GUCY2C: variants seen among roughly 807,000 people sequenced by gnomAD.
The protein encoded by GUCY2C is guanylyl cyclase C.
A neutral mutation model predicts 131.1 loss-of-function variants in GUCY2C; 118 were observed. The ratio of observed to expected loss-of-function variants is 0.90; its 90% CI spans 0.78 to 1.05. The LOEUF (loss-of-function observed/expected upper bound fraction) is 1.05, where lower values mean the gene tolerates loss of function less well. GUCY2C is among the 50% of genes least tolerant of loss of function. The pLI is 0.00. For synonymous variants in GUCY2C, 452 were observed against 457.8 expected (o/e 0.99, Z 0.16); for missense variants, 1,161 against 1,304.4 (o/e 0.89, Z 1.69).
chr12:14,674,815 G>C (rs1475181764), intron 7 of GUCY2C, 55 bp from the exon 8 acceptor site: 2 of 1,391,166 alleles, frequency 1.4e-6, no homozygotes, highest in African/African-American at 1.4e-5. Context: ...ATCTTGTCTT[G>C]AGCCTAGAAC....
intron 25 of GUCY2C, among the ~76,000 whole-genome samples, chr12:14,616,132 G>T (rs996624149): frequency 1.2e-4 from 18 of 152,098 alleles, no homozygotes; most frequent in African/African-American, 4.1e-4. Flanking sequence ...CTGGTAGAGT[G>T]TCCACACATC....
At chr12:14,632,393 T>G (rs1397894959) in intron 19 of GUCY2C, among the ~76,000 whole-genome samples, 1 of 152,196 alleles carries the variant, frequency 6.6e-6, no homozygotes, top group African/African-American at 2.4e-5. Context: ...AATACTTTAC[T>G]CACTATCTTC....
chr12:14,616,858 TG>T, intron 24 of GUCY2C, 131 bp from the exon 25 acceptor site: 2 of 666,400 alleles, frequency 3.0e-6, no homozygotes, highest in East Asian at 5.3e-5. Context: ...GCTATTTTAA[TG>T]AAAGAACACT....
chr12:14,633,129 G>C (rs977507950), intron 19 of GUCY2C, among the ~76,000 whole-genome samples: 1 of 152,124 alleles, frequency 6.6e-6, no homozygotes, highest in African/African-American at 2.4e-5. Flanking sequence ...GATCTGCCTA[G>C]ACCCACTAAC....
rs574933675 is a variant in GUCY2C at position 14,664,611 on chromosome 12, T to C, written c.1283-3549A>G. 6.6e-4 allele frequency among the ~76,000 whole-genome samples: 100 copies of C among 152,334 alleles called. 1 individual carries two copies. The highest frequency in any genetic ancestry group is 2.4e-3 in the African/African-American group (100 of 41,584). ...GTTCTAAATTCCAAGGTTAAGCTTC[T>C]GCTGCCTTCTGGTGGCTGCTGTAGT... is the stretch of plus-strand genomic sequence containing the variant. On this transcript the variant is annotated intron_variant, in intron 10 of 26. Coordinates refer to ENST00000261170, the MANE Select transcript of GUCY2C (RefSeq NM_004963.4).
At chr12:14,652,285 C>T (rs1309319583) in intron 13 of GUCY2C, among the ~76,000 whole-genome samples, 1 of 152,090 alleles carries the variant, frequency 6.6e-6, no homozygotes, top group Non-Finnish European at 1.5e-5. Flanking sequence ...AGCAATTCTC[C>T]TGCCTCAGCC....
At chr12:14,690,695 CCA>C (rs1449126864) in intron 1 of GUCY2C, among the ~76,000 whole-genome samples, 1 of 152,184 alleles carries the variant, frequency 6.6e-6, no homozygotes, top group Admixed American at 6.5e-5. Context: ...GTGCCCACCA[CCA>C]CACCCGGCTA....
At chr12:14,652,861 T>C in intron 13 of GUCY2C, 91 bp downstream of exon 13, 1 of 849,602 alleles carries the variant, frequency 1.2e-6, no homozygotes, top group East Asian at 2.4e-5. Context: ...CTCCCACCAT[T>C]GTGATACTGA....
rs1166299522 is a variant in GUCY2C, at chr12:14,669,950, A to G, written c.1171-117T>C. 9.3e-6 allele frequency: 5 copies of G among 536,366 alleles called. No homozygotes were observed. The South Asian group carries it at 1.1e-4, about 11-fold the overall frequency. 33.2% of individuals were successfully genotyped at this position (536,366 alleles called of 1,614,324 possible). A position where few individuals can be genotyped will look rare whatever the true frequency, so the allele number is the denominator to read the frequency against. On this transcript the variant is annotated intron_variant, in intron 9 of 26. Coordinates refer to ENST00000261170, the MANE Select transcript of GUCY2C (RefSeq NM_004963.4). ...GATTTCCATAACAATTCTCAGTGAA[A>G]AAAGGCAACTGTTAACCAGCTAGTT...
In GUCY2C at chr12:14,684,563, CCCTTCCTTCCTT is replaced by C. The variant is rs1216238965; in HGVS notation, c.396-1318_396-1307del. Among the ~76,000 whole-genome samples, 258 of 121,232 alleles carry C rather than the reference CCCTTCCTTCCTT, an allele frequency of 2.1e-3. 5 individuals carry two copies. Among genetic ancestry groups the C allele is most frequent in the African/African-American group, 7.7e-3 (249 of 32,206 alleles). The allele number at this position is 121,232 out of a possible 152,430, so 79.5% of individuals were successfully genotyped here. On this transcript the variant is annotated intron_variant, in intron 3 of 26. Coordinates refer to ENST00000261170, the MANE Select transcript of GUCY2C (RefSeq NM_004963.4). ...TTCTCCTCTCTCTCTTTCTTTCTTT[CCCTTCCTTCCTT>C]CCTTCCTTCCTTCCTTCCTTCCTTC...
intron 20 of GUCY2C, among the ~76,000 whole-genome samples, chr12:14,627,444 G>A (rs1306228827): frequency 1.3e-5 from 2 of 152,172 alleles, no homozygotes; most frequent in African/African-American, 2.4e-5. Context: ...GGATGTGGGA[G>A]CAGGTGTAAG....
intron 13 of GUCY2C, among the ~76,000 whole-genome samples, chr12:14,652,323 C>T (rs1032786512): frequency 3.9e-5 from 6 of 152,068 alleles, no homozygotes; most frequent in Admixed American, 3.3e-4. Context: ...TACAGGCATG[C>T]ACCACCATGC....
At chr12:14,615,284 C>G (rs1476169711) in intron 25 of GUCY2C, among the ~76,000 whole-genome samples, 1 of 152,112 alleles carries the variant, frequency 6.6e-6, no homozygotes, top group Non-Finnish European at 1.5e-5. Flanking sequence ...TACAATTCTG[C>G]TACGTCAACA....
At position 14,613,830 on chromosome 12, in the gene GUCY2C, CAG is replaced by C. The variant is rs1206731013; in HGVS notation, c.3048-541_3048-540del. ...GTCTGACATCTAGGCCTCTGCAAGA[CAG>C]AGTTTCTCAACCATAGCAAAAGCCA... is the stretch of plus-strand genomic sequence containing the variant. On this transcript the variant is annotated intron_variant, in intron 26 of 26. Coordinates refer to ENST00000261170, the MANE Select transcript of GUCY2C (RefSeq NM_004963.4). The surrounding 1 kb of genome is among the most constrained non-coding windows in gnomAD (Gnocchi z 4.9). Among the ~76,000 whole-genome samples, 3 of 152,142 alleles carry C rather than the reference CAG, an allele frequency of 2.0e-5. No homozygotes were observed. The highest frequency in any genetic ancestry group is 2.0e-4 in the Admixed American group (3 of 15,256).
chr12:14,650,132 A>G (rs1947613572), intron 15 of GUCY2C, among the ~76,000 whole-genome samples: 1 of 152,334 alleles, frequency 6.6e-6, no homozygotes, highest in African/African-American at 2.4e-5. Flanking sequence ...GCATTTTAAA[A>G]TTCTATCCTA....
chr12:14,640,555 A>G (rs1463921602), intron 18 of GUCY2C, among the ~76,000 whole-genome samples: 2 of 152,058 alleles, frequency 1.3e-5, no homozygotes, highest in African/African-American at 4.8e-5. Context: ...TGCCTTCAGT[A>G]GGCTTCTTCT....
At chr12:14,647,662 C>G (rs1252304906) in intron 15 of GUCY2C, among the ~76,000 whole-genome samples, 1 of 152,122 alleles carries the variant, frequency 6.6e-6, no homozygotes, top group South Asian at 2.1e-4. Flanking sequence ...TGACTAAGTT[C>G]TGTTAAGATT....
rs1565601110 is a variant in GUCY2C at position 14,613,574 on chromosome 12, A to C, written c.3048-283T>G. ...CTAGGTTTACATATGCCACTGCAGG[A>C]AGGGGAAAAGAAGCTGGGAGGATGC... On this transcript the variant is annotated intron_variant, in intron 26 of 26. Transcript: ENST00000261170. This position sits in a 1 kb window ranked among gnomAD's most constrained non-coding sequence, Gnocchi z 4.9. Among the ~76,000 whole-genome samples the C allele has an allele frequency of 6.6e-6, 1 of 152,100 alleles. No individual in the cohort carries two copies. Among genetic ancestry groups the C allele is most frequent in the Non-Finnish European group, 1.5e-5 (1 of 68,008 alleles).
intron 15 of GUCY2C, among the ~76,000 whole-genome samples, chr12:14,646,702 G>A (rs1947530057): frequency 6.6e-6 from 1 of 152,082 alleles, no homozygotes; most frequent in African/African-American, 2.4e-5. Flanking sequence ...TATTATAAAA[G>A]TGGGATCATA....
Sources: allele counts gnomAD v4.1 joint callset (sites outside exome capture counted in the v4.1 genomes callset), GRCh38; gene constraint gnomAD v4.1.1; non-coding constraint Gnocchi (gnomAD v3.1); transcripts MANE v1.5; gene names NCBI Gene and HGNC (gene_info 2026-07-23, HGNC 2026-07-21).